LRBA: variants seen among roughly 807,000 people sequenced by gnomAD.
LRBA encodes lipopolysaccharide-responsive and beige-like anchor protein.
A neutral mutation model predicts 330.0 loss-of-function variants in LRBA; 176 were observed. The observed-to-expected ratio is 0.53, with a 90% CI of 0.47 to 0.60. The LOEUF (loss-of-function observed/expected upper bound fraction) is 0.60. LRBA is among the 20% of genes least tolerant of loss of function. The pLI is 0.00. For missense variants in LRBA, 3,259 were observed against 3,444.8 expected, an observed-to-expected ratio of 0.95 and a Z score of 1.35; for synonymous variants, 1,230 against 1,193.0, an observed-to-expected ratio of 1.03 and a Z score of -0.64.
intron 37 of LRBA, among the ~76,000 whole-genome samples, chr4:150,636,669 G>A (rs1056181519): frequency 9.2e-5 from 14 of 152,064 alleles, no homozygotes; most frequent in East Asian, 1.9e-4. Context: ...GCTCATGCCC[G>A]TAATCCCAGT....
intron 40 of LRBA, among the ~76,000 whole-genome samples, chr4:150,525,778 T>C (rs1763398643): frequency 2.0e-5 from 3 of 152,288 alleles, no homozygotes; most frequent in South Asian, 2.1e-4. Flanking sequence ...TCCATCTGAA[T>C]GAAATTATAT....
At position 150,831,861 on chromosome 4, in the gene LRBA, G is replaced by A. The variant is rs1356395655; in HGVS notation, c.4685C>T (p.Ser1562Leu). The change falls in exon 29 of 57, where the codon TCA becomes TTA. Residue 1562 changes from serine (S) to leucine (L), a missense_variant. Transcript: ENST00000651943. ...LEPQNERHSQ[S>L]CTETGSENEN... ...ATTTTCACTGCCAGTTTCTGTACAT[G>A]ACTGGCTATGCCTTTCATTTTGGGG... 1.9e-6 allele frequency: 3 copies of A among 1,603,328 alleles called. No homozygotes were observed. Among genetic ancestry groups the A allele is most frequent in the South Asian group, 1.1e-5 (1 of 88,548 alleles).
intron 44 of LRBA, among the ~76,000 whole-genome samples, chr4:150,457,998 C>A (rs1340362365): frequency 2.0e-5 from 3 of 151,846 alleles, no homozygotes; most frequent in Admixed American, 6.6e-5. Context: ...TTATTCATCA[C>A]CCTGACAGTA....
At chr4:150,479,346 T>C (rs1757051620) in intron 42 of LRBA, among the ~76,000 whole-genome samples, 1 of 152,104 alleles carries the variant, frequency 6.6e-6, no homozygotes, top group South Asian at 2.1e-4. Flanking sequence ...TATGAAAACA[T>C]ATACTAGGTG....
chr4:150,551,031 G>A (rs1451012143), intron 40 of LRBA, among the ~76,000 whole-genome samples: 3 of 152,044 alleles, frequency 2.0e-5, no homozygotes, highest in Non-Finnish European at 4.4e-5. Context: ...GGGTTATGAG[G>A]GCTCTGCCTT....
intron 44 of LRBA, among the ~76,000 whole-genome samples, chr4:150,450,448 TC>T: frequency 6.6e-6 from 1 of 152,270 alleles, no homozygotes; most frequent in South Asian, 2.1e-4. Flanking sequence ...GCTCAGCTGT[TC>T]CTTGGCTTGC....
intron 2 of LRBA, among the ~76,000 whole-genome samples, chr4:150,953,023 CAA>C: frequency 6.6e-6 from 1 of 152,264 alleles, no homozygotes; most frequent in Admixed American, 6.5e-5. Flanking sequence ...TCCATATAAG[CAA>C]AGTTCACACT....
intron 35 of LRBA, among the ~76,000 whole-genome samples, chr4:150,744,899 G>A (rs779628007): frequency 6.6e-6 from 1 of 152,150 alleles, no homozygotes; most frequent in Non-Finnish European, 1.5e-5. Context: ...CAACGGTGAT[G>A]GGATAATCAC....
At chr4:150,556,551 CTTAT>C (rs1340723050) in intron 40 of LRBA, among the ~76,000 whole-genome samples, 1 of 152,152 alleles carries the variant, frequency 6.6e-6, no homozygotes, top group Non-Finnish European at 1.5e-5. Flanking sequence ...AGCCTATTTA[CTTAT>C]TTATTTTAGT....
intron 37 of LRBA, among the ~76,000 whole-genome samples, chr4:150,641,109 C>A (rs1778636012): frequency 6.6e-6 from 1 of 152,130 alleles, no homozygotes; most frequent in South Asian, 2.1e-4. Flanking sequence ...GTGTGACATC[C>A]TACTCTAGAC....
At chr4:150,430,041 A>C (rs939908818) in intron 46 of LRBA, among the ~76,000 whole-genome samples, 7 of 152,056 alleles carry the variant, frequency 4.6e-5, no homozygotes, top group African/African-American at 1.7e-4. Context: ...ACCTAACAAA[A>C]CTTGTTCTTT....
chr4:150,657,756 A>G (rs1780357441), intron 37 of LRBA, among the ~76,000 whole-genome samples: 1 of 152,176 alleles, frequency 6.6e-6, no homozygotes, highest in Admixed American at 6.5e-5. Context: ...CTTAATAGTA[A>G]TAACACATGT....
intron 40 of LRBA, among the ~76,000 whole-genome samples, chr4:150,500,578 C>CTAAATAAA (rs200941206): frequency 6.6e-6 from 1 of 151,742 alleles, no homozygotes; most frequent in Admixed American, 6.6e-5. Context: ...GACTCTGTCT[C>CTAAATAAA]TAAATAAATA....
intron 44 of LRBA, among the ~76,000 whole-genome samples, chr4:150,440,740 A>C (rs1751714335): frequency 6.6e-6 from 1 of 152,118 alleles, no homozygotes; most frequent in Non-Finnish European, 1.5e-5. Flanking sequence ...AGCCTGGGTG[A>C]CAGAGTGAGA....
intron 47 of LRBA, among the ~76,000 whole-genome samples, chr4:150,405,377 C>T (rs192646269): frequency 8.5e-5 from 13 of 152,150 alleles, no homozygotes; most frequent in Non-Finnish European, 1.5e-4. Context: ...AAAGAGATTT[C>T]TCTTCAAGGG....
intron 36 of LRBA, among the ~76,000 whole-genome samples, chr4:150,730,814 T>TC (rs1431239231): frequency 6.6e-6 from 1 of 151,744 alleles, no homozygotes; most frequent in Non-Finnish European, 1.5e-5. Context: ...GGCCAGGAGT[T>TC]CAAGACCAGC....
chr4:150,900,461 T>C (rs946049934), intron 13 of LRBA, among the ~76,000 whole-genome samples: 2 of 152,238 alleles, frequency 1.3e-5, no homozygotes, highest in East Asian at 1.9e-4. Context: ...TGGAAACTTT[T>C]TGCTGCATTA....
At chr4:150,887,776 AAAAAAAAAAAGAAAG>A (rs1729101270) in intron 17 of LRBA, among the ~76,000 whole-genome samples, 1 of 149,394 alleles carries the variant, frequency 6.7e-6, no homozygotes, top group African/African-American at 2.4e-5. Context: ...CTCAAAAAAA[AAAAAAAAAAAGAAAG>A]AAAAAAAAAA....
At chr4:150,933,021 C>T (rs1475870173) in intron 2 of LRBA, among the ~76,000 whole-genome samples, 1 of 152,014 alleles carries the variant, frequency 6.6e-6, no homozygotes, top group African/African-American at 2.4e-5. Flanking sequence ...ATTATAGACA[C>T]ATTTATGTAT....
Sources: allele counts gnomAD v4.1 joint callset (sites outside exome capture counted in the v4.1 genomes callset), GRCh38; gene constraint gnomAD v4.1.1; transcripts MANE v1.5; gene names NCBI Gene and HGNC (gene_info 2026-07-23, HGNC 2026-07-21).